The following COL26A1 variants were observed in gnomAD, a reference collection of about 807,000 sequenced individuals.
COL26A1 encodes collagen alpha-1(XXVI) chain.
COL26A1 carries 41 observed loss-of-function variants against 59.3 expected under a neutral mutation model. The ratio of observed to expected loss-of-function variants is 0.69; its 90% confidence interval spans 0.54 to 0.90. COL26A1 has a LOEUF of 0.90. COL26A1 is among the 40% of genes least tolerant of loss of function. The pLI is 0.00. For missense variants in COL26A1, 612 were observed against 602.3 expected, an observed-to-expected ratio of 1.02 and a Z score of -0.17; for synonymous variants, 266 against 256.0, an observed-to-expected ratio of 1.04 and a Z score of -0.37.
At chr7:101,483,990 A>AGTGTGTGT (rs55863250) in intron 3 of COL26A1, among the ~76,000 whole-genome samples, 10,381 of 127,832 alleles carry the variant, frequency 0.081, 535 homozygotes, top group Middle Eastern at 0.1. Flanking sequence ...AACTTTTTAA[A>AGTGTGTGT]GTGTGTGTGT....
intron 2 of COL26A1, among the ~76,000 whole-genome samples, chr7:101,438,796 A>G (rs11768459): frequency 0.9 from 135,594 of 151,168 alleles, 61,605 homozygotes; most frequent in Middle Eastern, 0.97. Flanking sequence ...TCAGCCTCCC[A>G]AGTAGCTGGG....
At chr7:101,479,879 T>C (rs1253450072) in intron 3 of COL26A1, among the ~76,000 whole-genome samples, 1 of 152,250 alleles carries the variant, frequency 6.6e-6, no homozygotes, top group Non-Finnish European at 1.5e-5. Context: ...TCACCTCAAA[T>C]ATTTATATTT....
chr7:101,452,898 G>C (rs1268531910), intron 3 of COL26A1, among the ~76,000 whole-genome samples: 1 of 151,968 alleles, frequency 6.6e-6, no homozygotes, highest in Non-Finnish European at 1.5e-5. Flanking sequence ...CCAAGTACCT[G>C]GGGTTACAGG....
At chr7:101,473,397 G>A (rs991700372) in intron 3 of COL26A1, among the ~76,000 whole-genome samples, 5 of 151,998 alleles carry the variant, frequency 3.3e-5, no homozygotes, top group Non-Finnish European at 7.4e-5. Context: ...TTTTGCTGCC[G>A]CTTTTTGGTC....
intron 3 of COL26A1, among the ~76,000 whole-genome samples, chr7:101,496,485 A>T (rs1163947370): frequency 1.3e-5 from 2 of 152,208 alleles, no homozygotes; most frequent in African/African-American, 4.8e-5. Flanking sequence ...TGATGGGTGG[A>T]AGAGTGCAGG....
Position 101,390,439 on chromosome 7 carries a change from T to C in COL26A1, c.158+27249T>C, listed in dbSNP as rs140151299. Among the ~76,000 whole-genome samples the C allele has an allele frequency of 3.1e-3, 474 of 152,214 alleles. 1 individual carries two copies. Among genetic ancestry groups the C allele is most frequent in the African/African-American group, 0.011 (439 of 41,526 alleles). ...CACTGAGCCTGGCTTTAGTTTTGTT[T>C]TGGTGAGACAGGGTCTTGCTCTGTT... On this transcript the variant is annotated intron_variant, in intron 1 of 12. Coordinates refer to ENST00000313669, the MANE Select transcript of COL26A1 (RefSeq NM_001278563.3).
At chr7:101,534,338 C>A (rs971407304) in intron 4 of COL26A1, among the ~76,000 whole-genome samples, 3 of 152,106 alleles carry the variant, frequency 2.0e-5, no homozygotes, top group African/African-American at 7.2e-5. Flanking sequence ...GCAGCAAGAA[C>A]CCCTAGAAGA....
chr7:101,466,625 G>A (rs1222779721), intron 3 of COL26A1, among the ~76,000 whole-genome samples: 1 of 152,112 alleles, frequency 6.6e-6, no homozygotes, highest in Non-Finnish European at 1.5e-5. Flanking sequence ...CGGAGGTTGA[G>A]GCTGCAGTGA....
chr7:101,475,247 G>T (rs114153101), intron 3 of COL26A1, among the ~76,000 whole-genome samples: 4 of 151,168 alleles, frequency 2.6e-5, no homozygotes, highest in Non-Finnish European at 5.9e-5. Context: ...ACTTAGCAAG[G>T]CATGTTCAGA....
At chr7:101,508,270 C>T (rs537675752) in intron 3 of COL26A1, among the ~76,000 whole-genome samples, 2 of 152,266 alleles carry the variant, frequency 1.3e-5, no homozygotes, top group South Asian at 2.1e-4. Context: ...GCCTATAATC[C>T]GAACAGTTTT....
rs537204947 is a variant in COL26A1 at position 101,416,413 on chromosome 7, G to A, written c.159-3564G>A. Among the ~76,000 whole-genome samples the A allele has an allele frequency of 6.3e-5, 9 of 143,756 alleles. 1 individual carries two copies. In the South Asian group the frequency reaches 2.1e-3, roughly 34 times the overall value. The allele number at this position is 143,756 out of a possible 152,430, so 94.3% of individuals were successfully genotyped here. A position where few individuals can be genotyped will look rare whatever the true frequency, so the allele number is the denominator to read the frequency against. The stretch of plus-strand genomic sequence containing the variant: ...GCCTCCCAAAGTACTGGGATTACAG[G>A]CATGAGCTACCACACCCAGCCTGAA... On this transcript the variant is annotated intron_variant, in intron 1 of 12. Coordinates refer to ENST00000313669, the MANE Select transcript of COL26A1 (RefSeq NM_001278563.3).
In COL26A1 at chr7:101,507,229, T is replaced by G. The variant is rs186428683; in HGVS notation, c.386-25853T>G. On this transcript the variant is annotated intron_variant, in intron 3 of 12. Transcript: ENST00000313669. Reference sequence around the variant, plus strand: ...CGCGCCCGGCTTTGCCTAGAACCACTTCTAATTCTCCTTGCTCAGTGAAAA... The same window carrying G: ...CGCGCCCGGCTTTGCCTAGAACCACGTCTAATTCTCCTTGCTCAGTGAAAA... 7.2e-5 allele frequency among the ~76,000 whole-genome samples: 11 copies of G among 152,272 alleles called. No homozygotes were observed. In the East Asian group the frequency reaches 1.9e-3, roughly 27 times the overall value.
Position 101,362,876 on chromosome 7 carries a change from C to A in COL26A1, c.-157C>A, listed in dbSNP as rs1356723014. 1.5e-6 allele frequency: 1 copy of A among 683,094 alleles called. No individual in the cohort carries two copies. The highest frequency in any genetic ancestry group is 2.3e-6 in the Non-Finnish European group (1 of 435,920). The allele number at this position is 683,094 out of a possible 1,614,324, so 42.3% of individuals were successfully genotyped here. On this transcript the variant is annotated 5_prime_UTR_variant, in exon 1 of 13. Transcript: ENST00000313669. ...AGGCGGCCCCGGAGAGGCGTGGGCG[C>A]CCCCCACACATTTCCAGCTCGCACC...
intron 3 of COL26A1, among the ~76,000 whole-genome samples, chr7:101,493,388 T>C (rs1280588381): frequency 6.6e-6 from 1 of 152,022 alleles, no homozygotes; most frequent in Non-Finnish European, 1.5e-5. Flanking sequence ...AGTCCCCGCC[T>C]CCATGAAGCC....
intron 2 of COL26A1, among the ~76,000 whole-genome samples, chr7:101,443,078 T>C (rs145644609): frequency 2.6e-4 from 39 of 150,904 alleles, no homozygotes; most frequent in African/African-American, 9.5e-4. Flanking sequence ...TGAGTGTGTG[T>C]TTATTGTGAA....
In COL26A1 at chr7:101,533,068, C is replaced by A; in HGVS notation, c.386-14C>A. 1 of 1,596,164 alleles carries A rather than the reference C, an allele frequency of 6.3e-7. No homozygotes were observed. Among genetic ancestry groups the A allele is most frequent in the East Asian group, 2.3e-5 (1 of 44,286 alleles). On this transcript the variant is annotated splice_polypyrimidine_tract_variant and intron_variant, in intron 3 of 12. Coordinates refer to ENST00000313669, the MANE Select transcript of COL26A1 (RefSeq NM_001278563.3). ...CTACACTCTGCTCTCATATAAGTTC[C>A]TCTTCTCTTTCAGAATGCATGAACT... is the stretch of plus-strand genomic sequence containing the variant.
At chr7:101,489,715 T>TTCTTTCTTTCTG (rs1794368053) in intron 3 of COL26A1, among the ~76,000 whole-genome samples, 1 of 11,026 alleles carries the variant, frequency 9.1e-5, no homozygotes, top group Non-Finnish European at 1.7e-4. Flanking sequence ...CTTTCTTTCA[T>TTCTTTCTTTCTG]TCTTTCTTTC....
In COL26A1 at chr7:101,499,063, T is replaced by C. The variant is rs137943134; in HGVS notation, c.386-34019T>C. The stretch of plus-strand genomic sequence containing the variant: ...CCATTCGGCCTCAATGCTTTCCAGA[T>C]TGGGGGCGCGAGGCATAGCCCATCC... On this transcript the variant is annotated intron_variant, in intron 3 of 12. Transcript: ENST00000313669. Among the ~76,000 whole-genome samples the C allele has an allele frequency of 2.5e-3, 382 of 152,290 alleles. 1 individual carries two copies. The highest frequency in any genetic ancestry group is 8.7e-3 in the African/African-American group (360 of 41,558).
chr7:101,554,603 G>A (rs1328042663), intron 11 of COL26A1, among the ~76,000 whole-genome samples: 5 of 147,530 alleles, frequency 3.4e-5, no homozygotes, highest in Non-Finnish European at 6.0e-5. Flanking sequence ...AATGAGACAG[G>A]CGTGGTAGTG....
Sources: gnomAD v4.1 joint callset for allele counts (sites outside exome capture counted in the v4.1 genomes callset) on GRCh38, gnomAD v4.1.1 for gene constraint, MANE v1.5 for transcripts, NCBI Gene and HGNC (gene_info 2026-07-23, HGNC 2026-07-21) for gene names.